XPO6: variants seen among roughly 807,000 people sequenced by gnomAD.
XPO6 encodes the protein exportin 6.
XPO6 carries 3 observed loss-of-function variants against 130.0 expected under a neutral mutation model. The observed-to-expected ratio is 0.02, with a 90% CI of 0.01 to 0.06. XPO6 has a LOEUF of 0.06. Ranked by LOEUF, XPO6 falls within the 10% of genes least tolerant of loss-of-function variation. The pLI, the probability that XPO6 is intolerant of heterozygous loss-of-function variation, is 1.00. For synonymous variants in XPO6, 524 were observed against 548.9 expected (o/e 0.95, Z 0.63); for missense variants, 970 against 1,393.0 (o/e 0.70, Z 4.83).
chr16:28,193,011 T>C (rs1446058352), intron 1 of XPO6, among the ~76,000 whole-genome samples: 1 of 152,166 alleles, frequency 6.6e-6, no homozygotes, highest in Non-Finnish European at 1.5e-5. Context: ...GCATTCTTCA[T>C]CTGTATTGGC....
chr16:28,145,126 C>T (rs1305778156), intron 9 of XPO6, among the ~76,000 whole-genome samples: 2 of 152,150 alleles, frequency 1.3e-5, no homozygotes, highest in African/African-American at 4.8e-5. Flanking sequence ...CATAAATATA[C>T]AAATTACACG....
At chr16:28,178,885 G>T (rs2043573130) in intron 2 of XPO6, among the ~76,000 whole-genome samples, 1 of 151,984 alleles carries the variant, frequency 6.6e-6, no homozygotes, top group Non-Finnish European at 1.5e-5. Context: ...TGGCCAACAT[G>T]GCGAAACCCC....
intron 14 of XPO6, among the ~76,000 whole-genome samples, chr16:28,118,023 T>C (rs1459029200): frequency 2.0e-5 from 3 of 152,236 alleles, no homozygotes; most frequent in African/African-American, 4.8e-5. Context: ...CAAAAAAGTA[T>C]GCAATTCATC....
intron 12 of XPO6, among the ~76,000 whole-genome samples, chr16:28,128,606 T>C (rs1002721325): frequency 6.6e-6 from 1 of 152,204 alleles, no homozygotes; most frequent in African/African-American, 2.4e-5. Context: ...AAGTTTCCAT[T>C]TGAGTATGGT....
chr16:28,138,413 C>A (rs1439554440), intron 9 of XPO6, among the ~76,000 whole-genome samples: 1 of 152,086 alleles, frequency 6.6e-6, no homozygotes, highest in South Asian at 2.1e-4. Flanking sequence ...GCAAATGTAA[C>A]CCTAAATTAG....
rs1466613313 is a variant in XPO6 at position 28,106,511 on chromosome 16, C to T, written c.2498-14G>A. ...CATCAGTCACATCTGAGGAAAGGGG[C>T]AGAGATATCGTCAGAGGCTTGCACA... On this transcript the variant is annotated splice_polypyrimidine_tract_variant and intron_variant, in intron 18 of 23. Coordinates refer to ENST00000304658, the MANE Select transcript of XPO6 (RefSeq NM_015171.4). This position sits in a 1 kb window ranked among gnomAD's most constrained non-coding sequence, Gnocchi z 4.2. 6.2e-7 allele frequency: 1 copy of T among 1,606,366 alleles called. No homozygotes were observed. The highest frequency in any genetic ancestry group is 1.3e-5 in the African/African-American group (1 of 74,778).
Position 28,169,599 on chromosome 16 carries a change from C to T in XPO6, c.565+151G>A. 18 of 909,684 alleles carry T rather than the reference C, an allele frequency of 2.0e-5. No individual in the cohort carries two copies. The South Asian group carries it at 2.9e-4, about 15-fold the overall frequency. The allele number at this position is 909,684 out of a possible 1,614,324, so 56.4% of individuals were successfully genotyped here. ...TTTGTAGTCCTACTGTGTGCTAGAC[C>T]CTGGGCTATAGGTGTTGGGAACGCA... On this transcript the variant is annotated intron_variant, in intron 5 of 23. Transcript: ENST00000304658.
At chr16:28,134,141 AC>A (rs1290497723) in intron 10 of XPO6, among the ~76,000 whole-genome samples, 1 of 152,232 alleles carries the variant, frequency 6.6e-6, no homozygotes, top group Non-Finnish European at 1.5e-5. Context: ...TAAATGATCC[AC>A]ATAGAATAAG....
At chr16:28,191,244 T>C (rs976464926) in intron 1 of XPO6, among the ~76,000 whole-genome samples, 3 of 152,338 alleles carry the variant, frequency 2.0e-5, no homozygotes, top group Non-Finnish European at 2.9e-5. Context: ...AAAATACATA[T>C]ATTTTATATA....
Position 28,132,697 on chromosome 16 carries a change from C to T in XPO6, c.1537-294G>A, listed in dbSNP as rs868097555. Among the ~76,000 whole-genome samples the T allele has an allele frequency of 3.3e-5, 5 of 150,644 alleles. No homozygotes were observed. Among genetic ancestry groups the T allele is most frequent in the South Asian group, 2.1e-4 (1 of 4,794 alleles). On this transcript the variant is annotated intron_variant, in intron 11 of 23. Transcript: ENST00000304658. The surrounding 1 kb of genome is among the most constrained non-coding windows in gnomAD (Gnocchi z 4.0). ...AAAGGACACTGTGGTATGACTCTTA[C>T]GTTCCTAATAGAGGAGATCAAACCC...
chr16:28,149,145 G>A (rs1448893726), intron 8 of XPO6, among the ~76,000 whole-genome samples: 1 of 151,112 alleles, frequency 6.6e-6, no homozygotes. Context: ...CTCAGGCACA[G>A]TTTCAGGAAG....
chr16:28,127,625 G>A (rs188527892), intron 12 of XPO6, among the ~76,000 whole-genome samples: 32 of 152,284 alleles, frequency 2.1e-4, no homozygotes, highest in Non-Finnish European at 8.8e-5. Flanking sequence ...GAAAGGAAGG[G>A]TGGACACCTA....
chr16:28,200,087 A>T (rs912872290), intron 1 of XPO6, among the ~76,000 whole-genome samples: 1 of 151,830 alleles, frequency 6.6e-6, no homozygotes, highest in Non-Finnish European at 1.5e-5. Context: ...ATCCAGAGGC[A>T]GAGGTTGCAG....
chr16:28,122,663 T>C (rs1482832326), intron 13 of XPO6, among the ~76,000 whole-genome samples: 2 of 152,092 alleles, frequency 1.3e-5, no homozygotes, highest in African/African-American at 4.8e-5. Context: ...ACTGCTCTTT[T>C]GGCAGTTTAT....
intron 6 of XPO6, among the ~76,000 whole-genome samples, 170 bp from the exon 7 acceptor site, chr16:28,156,697 A>G (rs1421553584): frequency 1.3e-5 from 2 of 152,220 alleles, no homozygotes; most frequent in Non-Finnish European, 2.9e-5. Flanking sequence ...AACACTAATT[A>G]GGAAATTTTA....
At chr16:28,168,344 G>A (rs920777774) in intron 5 of XPO6, among the ~76,000 whole-genome samples, 1 of 152,068 alleles carries the variant, frequency 6.6e-6, no homozygotes, top group Admixed American at 6.6e-5. Flanking sequence ...TTAGCCAGGC[G>A]TGGTGCCGCA....
intron 9 of XPO6, among the ~76,000 whole-genome samples, chr16:28,143,537 G>C (rs2042932268): frequency 6.6e-6 from 1 of 152,136 alleles, no homozygotes; most frequent in South Asian, 2.1e-4. Flanking sequence ...CTATACCACT[G>C]CTCTATTAGT....
intron 4 of XPO6, 33 bp from the exon 5 acceptor site, chr16:28,169,942 T>G (rs764535542): frequency 6.2e-7 from 1 of 1,611,038 alleles, no homozygotes; most frequent in African/African-American, 1.3e-5. Flanking sequence ...GAGCAGAGTG[T>G]TGGACTAATA....
At chr16:28,119,027 T>C (rs564721133) in intron 14 of XPO6, among the ~76,000 whole-genome samples, 1 of 152,220 alleles carries the variant, frequency 6.6e-6, no homozygotes, top group Non-Finnish European at 1.5e-5. Flanking sequence ...TACTTATTTA[T>C]GTTGCTGAAA....
Sources: gnomAD v4.1 joint callset for allele counts (sites outside exome capture counted in the v4.1 genomes callset) on GRCh38, gnomAD v4.1.1 for gene constraint, Gnocchi (gnomAD v3.1) non-coding constraint, MANE v1.5 for transcripts, NCBI Gene and HGNC (gene_info 2026-07-23, HGNC 2026-07-21) for gene names.